HS3ST1: variants seen among roughly 807,000 people sequenced by gnomAD.
HS3ST1 encodes heparan sulfate-glucosamine 3-sulfotransferase 1.
A neutral mutation model predicts 20.7 loss-of-function variants in HS3ST1; 8 were observed. The observed-to-expected ratio is 0.39, with a 90% CI of 0.23 to 0.70. The LOEUF (loss-of-function observed/expected upper bound fraction) is 0.70. HS3ST1 is among the 30% of genes least tolerant of loss of function. HS3ST1 has a pLI of 0.46. For synonymous variants in HS3ST1, 205 were observed against 190.4 expected (o/e 1.08, Z -0.63); for missense variants, 436 against 423.4 (o/e 1.03, Z -0.26).
At chr4:11,416,780 A>G (rs1168493089) in intron 1 of HS3ST1, among the ~76,000 whole-genome samples, 1 of 152,180 alleles carries the variant, frequency 6.6e-6, no homozygotes, top group African/African-American at 2.4e-5. Context: ...AACTCCAACT[A>G]GGAAGGAAAG....
chr4:11,405,846 C>T (rs1239466636), intron 1 of HS3ST1, among the ~76,000 whole-genome samples: 10 of 152,222 alleles, frequency 6.6e-5, no homozygotes, highest in Admixed American at 6.5e-4. Flanking sequence ...TAATTCACAT[C>T]ATGACCTAGA....
intron 1 of HS3ST1, among the ~76,000 whole-genome samples, chr4:11,421,125 A>C (rs1386341788): frequency 6.6e-6 from 1 of 152,196 alleles, no homozygotes; most frequent in Non-Finnish European, 1.5e-5. Context: ...CACAAGGAAA[A>C]ACACATTGAG....
At chr4:11,430,758 A>G (rs1719187527), upstream of HS3ST1, among the ~76,000 whole-genome samples, 1 of 152,182 alleles carries the variant, frequency 6.6e-6, no homozygotes, top group South Asian at 2.1e-4. Flanking sequence ...CAGCCCAGAG[A>G]TTTTGTTGGA....
intron 1 of HS3ST1, among the ~76,000 whole-genome samples, chr4:11,401,114 A>G (rs551551617): frequency 2.8e-4 from 43 of 152,318 alleles, no homozygotes; most frequent in African/African-American, 8.9e-4. Flanking sequence ...TTGGTAGGGT[A>G]CTATGAAGAC....
intron 1 of HS3ST1, among the ~76,000 whole-genome samples, chr4:11,416,415 T>G (rs1420838392): frequency 1.3e-5 from 2 of 152,204 alleles, no homozygotes; most frequent in African/African-American, 4.8e-5. Flanking sequence ...AGCTGTCTCC[T>G]GAGGGATGCA....
At chr4:11,426,821 G>A (rs1177909978) in intron 1 of HS3ST1, among the ~76,000 whole-genome samples, 1 of 152,240 alleles carries the variant, frequency 6.6e-6, no homozygotes, top group African/African-American at 2.4e-5. Flanking sequence ...TAGCGCTGGA[G>A]AAAACCTTAT....
In HS3ST1 at chr4:11,398,922, A is replaced by T; in HGVS notation, c.*160T>A. On this transcript the variant is annotated 3_prime_UTR_variant, in exon 2 of 2. Coordinates refer to ENST00000002596, the MANE Select transcript of HS3ST1 (RefSeq NM_005114.4). ...CTCCATTTAACAAGTAGAAAAATAT[A>T]ACTAGTATATATGGCAATTGTGAAT... 1.7e-6 allele frequency: 1 copy of T among 598,530 alleles called. No individual in the cohort carries two copies. Among genetic ancestry groups the T allele is most frequent in the South Asian group, 2.7e-5 (1 of 37,212 alleles). 37.1% of individuals were successfully genotyped at this position (598,530 alleles called of 1,614,324 possible).
At chr4:11,404,631 C>A (rs1046969532) in intron 1 of HS3ST1, among the ~76,000 whole-genome samples, 1 of 152,216 alleles carries the variant, frequency 6.6e-6, no homozygotes, top group South Asian at 2.1e-4. Flanking sequence ...CAGGTTTGAA[C>A]CTGCAGGCAG....
rs1420894650 is a variant in HS3ST1 at position 11,397,432 on chromosome 4, T to C, written c.*1650A>G. Reference sequence around the variant, plus strand: ...GGCTTCTTCTTGCCCTTCCTGTATCTGGGACACACCTCTTAGGATGGAAGA... The same window carrying C: ...GGCTTCTTCTTGCCCTTCCTGTATCCGGGACACACCTCTTAGGATGGAAGA... On this transcript the variant is annotated 3_prime_UTR_variant, in exon 2 of 2. Transcript: ENST00000002596. 1 of 152,312 alleles carries C rather than the reference T, an allele frequency of 6.6e-6. No individual in the cohort carries two copies. The highest frequency in any genetic ancestry group is 2.4e-5 in the African/African-American group (1 of 41,450). 9.4% of individuals were successfully genotyped at this position (152,312 alleles called of 1,614,324 possible).
intron 1 of HS3ST1, among the ~76,000 whole-genome samples, chr4:11,404,943 C>A (rs1718425001): frequency 6.6e-6 from 1 of 152,202 alleles, no homozygotes; most frequent in East Asian, 1.9e-4. Flanking sequence ...GAAATGAAGT[C>A]TTGTGTCTAG....
At chr4:11,422,707 C>T (rs1718969123) in intron 1 of HS3ST1, among the ~76,000 whole-genome samples, 1 of 152,144 alleles carries the variant, frequency 6.6e-6, no homozygotes. Context: ...AGGGCACAAG[C>T]ACACTTTACA....
rs546659450 is a variant in HS3ST1 at position 11,398,433 on chromosome 4, G to C, written c.*649C>G. 1 of 152,322 alleles carries C rather than the reference G, an allele frequency of 6.6e-6. No homozygotes were observed. The highest frequency in any genetic ancestry group is 2.1e-4 in the South Asian group (1 of 4,824). The allele number at this position is 152,322 out of a possible 1,614,324, so 9.4% of individuals were successfully genotyped here. Reference sequence around the variant, plus strand: ...AGAAGCATGTGCAAATATTCTTTGAGGTCAAGATGGATCCCAAGAGACCTC... The same window carrying C: ...AGAAGCATGTGCAAATATTCTTTGACGTCAAGATGGATCCCAAGAGACCTC... On this transcript the variant is annotated 3_prime_UTR_variant, in exon 2 of 2. Transcript: ENST00000002596.
At chr4:11,433,656 G>T (rs989912738), upstream of HS3ST1, among the ~76,000 whole-genome samples, 2 of 151,848 alleles carry the variant, frequency 1.3e-5, no homozygotes, top group Non-Finnish European at 2.9e-5. Flanking sequence ...CAAGGATACT[G>T]GGAACCTCAC....
chr4:11,423,228 G>A (rs1002994923), intron 1 of HS3ST1, among the ~76,000 whole-genome samples: 2 of 152,084 alleles, frequency 1.3e-5, no homozygotes, highest in Non-Finnish European at 2.9e-5. Flanking sequence ...ACTCTAACAC[G>A]TAATGCAATG....
intron 1 of HS3ST1, among the ~76,000 whole-genome samples, chr4:11,423,890 C>T (rs1197268211): frequency 6.6e-6 from 1 of 152,152 alleles, no homozygotes; most frequent in Non-Finnish European, 1.5e-5. Flanking sequence ...AGAGGCCATA[C>T]ATTGGAGGCC....
chr4:11,400,064 C>T lies in HS3ST1; in HGVS notation c.-59G>A, dbSNP rs1396915930. 1 of 1,437,286 alleles carries T rather than the reference C, an allele frequency of 7.0e-7. No individual in the cohort carries two copies. Among genetic ancestry groups the T allele is most frequent in the East Asian group, 2.5e-5 (1 of 39,824 alleles). 89.0% of individuals were successfully genotyped at this position (1,437,286 alleles called of 1,614,324 possible). On this transcript the variant is annotated 5_prime_UTR_variant, in exon 2 of 2. Coordinates refer to ENST00000002596, the MANE Select transcript of HS3ST1 (RefSeq NM_005114.4). ...GCCGCTGGGTCATGAAGTGCCGCAG[C>T]AGGGAAGCCTCCTAGTCAGTGGCAC...
At chr4:11,411,530 T>A (rs1204056170) in intron 1 of HS3ST1, among the ~76,000 whole-genome samples, 1 of 152,206 alleles carries the variant, frequency 6.6e-6, no homozygotes. Flanking sequence ...TGTTTAATCA[T>A]CTTGCTAATC....
chr4:11,412,591 A>G (rs1023493246), intron 1 of HS3ST1, among the ~76,000 whole-genome samples: 2 of 152,044 alleles, frequency 1.3e-5, no homozygotes, highest in Non-Finnish European at 2.9e-5. Context: ...GGGGAGGGGG[A>G]AGAATACAGC....
chr4:11,416,581 G>A (rs908391436), intron 1 of HS3ST1, among the ~76,000 whole-genome samples: 1 of 152,178 alleles, frequency 6.6e-6, no homozygotes, highest in East Asian at 1.9e-4. Flanking sequence ...TGTCCCATGA[G>A]GGTTGGTGGC....
Sources: gnomAD v4.1 joint callset for allele counts (sites outside exome capture counted in the v4.1 genomes callset) on GRCh38, gnomAD v4.1.1 for gene constraint, MANE v1.5 for transcripts, NCBI Gene and HGNC (gene_info 2026-07-23, HGNC 2026-07-21) for gene names.